ST8SIA6: variants seen among roughly 807,000 people sequenced by gnomAD.
ST8SIA6 encodes the protein ST8 alpha-N-acetyl-neuraminide alpha-2,8-sialyltransferase 6, also known as alpha-2,8-sialyltransferase 8F.
In ST8SIA6, 39 loss-of-function variants were observed where a neutral mutation model predicts 33.6. The ratio of observed to expected loss-of-function variants is 1.16; its 90% confidence interval spans 0.90 to 1.52. The LOEUF is 1.52. Ranked by LOEUF, ST8SIA6 falls within the 40% of genes most tolerant of loss-of-function variation. ST8SIA6 has a pLI of 0.00. For synonymous variants in ST8SIA6, 172 were observed against 167.2 expected (o/e 1.03, Z -0.22); for missense variants, 441 against 443.8 (o/e 0.99, Z 0.06).
At chr10:17,395,028 A>T (rs528406194) in intron 2 of ST8SIA6, among the ~76,000 whole-genome samples, 4 of 152,134 alleles carry the variant, frequency 2.6e-5, no homozygotes, top group Admixed American at 2.6e-4. Flanking sequence ...AGCTTTCACA[A>T]TTCCCACGTG....
intron 3 of ST8SIA6, among the ~76,000 whole-genome samples, chr10:17,362,342 G>A (rs1849417511): frequency 6.6e-6 from 1 of 151,990 alleles, no homozygotes; most frequent in African/African-American, 2.4e-5. Flanking sequence ...ACTTTTAAAT[G>A]TTTATTACTA....
chr10:17,368,114 C>T (rs544340702), intron 3 of ST8SIA6, among the ~76,000 whole-genome samples: 21 of 151,614 alleles, frequency 1.4e-4, no homozygotes, highest in South Asian at 1.2e-3. Flanking sequence ...CTATGTTCTC[C>T]GCCAGGCGCA....
intron 6 of ST8SIA6, among the ~76,000 whole-genome samples, chr10:17,326,269 C>T (rs45481097): frequency 6.6e-6 from 1 of 152,132 alleles, no homozygotes; most frequent in Non-Finnish European, 1.5e-5. Context: ...GAAATCAGTG[C>T]TCCTAAAACA....
chr10:17,402,679 A>G (rs1355113238), intron 2 of ST8SIA6, among the ~76,000 whole-genome samples: 1 of 152,164 alleles, frequency 6.6e-6, no homozygotes, highest in Non-Finnish European at 1.5e-5. Context: ...CAAGAACAAA[A>G]AACCAAACAC....
At chr10:17,339,835 A>G (rs921253485) in intron 4 of ST8SIA6, among the ~76,000 whole-genome samples, 1 of 152,262 alleles carries the variant, frequency 6.6e-6, no homozygotes, top group Non-Finnish European at 1.5e-5. Flanking sequence ...AAGGTCACAT[A>G]TGACACGTTC....
intron 2 of ST8SIA6, among the ~76,000 whole-genome samples, chr10:17,426,081 TC>T: frequency 6.6e-6 from 1 of 152,154 alleles, no homozygotes; most frequent in East Asian, 1.9e-4. Flanking sequence ...AGTCACATCC[TC>T]CCACAGGCAC....
rs761451211 is a variant in ST8SIA6, at chr10:17,331,487, A to C, written c.443T>G (p.Val148Gly). The C allele has an allele frequency of 3.1e-6, 5 of 1,613,684 alleles. No homozygotes were observed. The highest frequency in any genetic ancestry group is 1.7e-5 in the Admixed American group (1 of 59,930). ...CACCTCGTAACTCATATTAGTCCCA[A>C]CTGGAGTGTTATTCTGAGAAACAAC... ...NFVVSQNNTP[V>G]GTNMSYEVES... Residue 148 changes from valine to glycine, a missense_variant, in exon 5 of 8, where the codon GTT becomes GGT. Transcript: ENST00000377602.
intron 3 of ST8SIA6, among the ~76,000 whole-genome samples, chr10:17,377,756 G>A (rs1255239013): frequency 6.6e-6 from 1 of 152,178 alleles, no homozygotes. Context: ...GGACAGATAG[G>A]CTGAAGAAAG....
At chr10:17,323,037 A>G (rs1848006548) in intron 7 of ST8SIA6, 28 bp downstream of exon 7, 1 of 1,576,228 alleles carries the variant, frequency 6.3e-7, no homozygotes, top group South Asian at 1.1e-5. Context: ...AGTGTTCCTG[A>G]TCAGTTATGT....
rs937974554 is a variant in ST8SIA6 at position 17,319,211 on chromosome 10, C to T, written c.*1667G>A. Reference sequence around the variant, plus strand: ...TCAGCTATGTAAATCATAAAACATGCGTCACAGTTCTTGTCGCTCTGTAAT... The same window carrying T: ...TCAGCTATGTAAATCATAAAACATGTGTCACAGTTCTTGTCGCTCTGTAAT... On this transcript the variant is annotated 3_prime_UTR_variant, in exon 8 of 8. Transcript: ENST00000377602. 6.6e-6 allele frequency among the ~76,000 whole-genome samples: 1 copy of T among 152,142 alleles called. No individual in the cohort carries two copies. The highest frequency in any genetic ancestry group is 2.4e-5 in the African/African-American group (1 of 41,432).
At position 17,323,233 on chromosome 10, in the gene ST8SIA6, A is replaced by G. The variant is rs1848018855; in HGVS notation, c.636-76T>C. On this transcript the variant is annotated intron_variant, in intron 6 of 7. Coordinates refer to ENST00000377602, the MANE Select transcript of ST8SIA6 (RefSeq NM_001004470.3). ...ATTGTATACACACATATGCGCGCAC[A>G]CACACACACACACACACCTATCTAT... is the stretch of plus-strand genomic sequence containing the variant. 2.4e-4 allele frequency: 176 copies of G among 722,742 alleles called. 1 individual carries two copies. The highest frequency in any genetic ancestry group is 6.5e-4 in the South Asian group (31 of 48,010). The allele number at this position is 722,742 out of a possible 1,614,324, so 44.8% of individuals were successfully genotyped here.
At chr10:17,397,215 G>A (rs1417556742) in intron 2 of ST8SIA6, among the ~76,000 whole-genome samples, 1 of 137,116 alleles carries the variant, frequency 7.3e-6, no homozygotes, top group Non-Finnish European at 1.5e-5. Flanking sequence ...GGGTTGTGTC[G>A]TTTGCAAATT....
At position 17,320,152 on chromosome 10, in the gene ST8SIA6, T is replaced by C. The variant is rs1300255232; in HGVS notation, c.*726A>G. ...AACAGGTAAGAAAGACTGGGTATTG[T>C]AACTGTTCACGTCCTTGAAGTATAT... On this transcript the variant is annotated 3_prime_UTR_variant, in exon 8 of 8. Transcript: ENST00000377602. The C allele has an allele frequency of 6.6e-6, 1 of 152,162 alleles. No homozygotes were observed. Among genetic ancestry groups the C allele is most frequent in the East Asian group, 1.9e-4 (1 of 5,194 alleles). 9.4% of individuals were successfully genotyped at this position (152,162 alleles called of 1,614,324 possible). A position where few individuals can be genotyped will look rare whatever the true frequency, so the allele number is the denominator to read the frequency against.
chr10:17,425,503 G>A (rs1164510450), intron 2 of ST8SIA6, among the ~76,000 whole-genome samples: 1 of 152,154 alleles, frequency 6.6e-6, no homozygotes, highest in East Asian at 1.9e-4. Flanking sequence ...TGAGGCGGAG[G>A]CTGCAGTGGG....
rs527780315 is a variant in ST8SIA6 at position 17,421,571 on chromosome 10, A to AT, written c.201-30952dup. The stretch of plus-strand genomic sequence containing the variant: ...CAAATTAGAACAAGTCTTAAACTTA[A>AT]TTTTTTTTTAAGACTGGGTCTTGCT... On this transcript the variant is annotated intron_variant, in intron 2 of 7. Transcript: ENST00000377602. Among the ~76,000 whole-genome samples, 33 of 147,618 alleles carry AT rather than the reference A, an allele frequency of 2.2e-4. No individual in the cohort carries two copies. The South Asian group carries it at 3.8e-3, about 17-fold the overall frequency.
At chr10:17,381,837 T>A (rs999050222) in intron 3 of ST8SIA6, among the ~76,000 whole-genome samples, 1 of 152,238 alleles carries the variant, frequency 6.6e-6, no homozygotes, top group Non-Finnish European at 1.5e-5. Context: ...TAACTTCTAA[T>A]CCTGTGGCTT....
intron 2 of ST8SIA6, among the ~76,000 whole-genome samples, chr10:17,391,453 G>A (rs113440845): frequency 2.0e-5 from 3 of 151,758 alleles, no homozygotes; most frequent in African/African-American, 4.8e-5. Context: ...TAGTAGAGAC[G>A]GGGTTTCAGC....
intron 4 of ST8SIA6, among the ~76,000 whole-genome samples, chr10:17,342,629 G>A (rs1291565258): frequency 1.3e-5 from 2 of 152,124 alleles, no homozygotes; most frequent in Non-Finnish European, 2.9e-5. Context: ...GAAAAGAGGA[G>A]GAAGGAGACT....
chr10:17,364,091 T>C (rs1040648188), intron 3 of ST8SIA6, among the ~76,000 whole-genome samples: 1 of 135,556 alleles, frequency 7.4e-6, no homozygotes, highest in Admixed American at 7.5e-5. Context: ...TACTTTTATT[T>C]TAGCTTACTT....
Sources: allele counts gnomAD v4.1 joint callset (sites outside exome capture counted in the v4.1 genomes callset), GRCh38; gene constraint gnomAD v4.1.1; transcripts MANE v1.5; gene names NCBI Gene and HGNC (gene_info 2026-07-23, HGNC 2026-07-21).